The following GLTPD2 variants were observed in gnomAD, a reference collection of about 807,000 sequenced individuals.
GLTPD2 encodes the protein glycolipid transfer protein domain-containing protein 2.
GLTPD2 carries 12 observed loss-of-function variants against 12.9 expected under a neutral mutation model. The observed-to-expected ratio is 0.93, with a 90% CI of 0.59 to 1.50. The LOEUF (loss-of-function observed/expected upper bound fraction) is 1.50. Among genes scored for constraint, GLTPD2 ranks in the 40% most tolerant of loss-of-function variants. The pLI, the probability that GLTPD2 is intolerant of heterozygous loss-of-function variation, is 0.00. For synonymous variants in GLTPD2, 199 were observed against 205.6 expected (o/e 0.97, Z 0.27); for missense variants, 450 against 426.2 (o/e 1.06, Z -0.49).
chr17:4,790,331 G>T lies in GLTPD2; in HGVS notation c.*35G>T. The T allele has an allele frequency of 1.4e-6, 2 of 1,417,692 alleles. No individual in the cohort carries two copies. Among genetic ancestry groups the T allele is most frequent in the African/African-American group, 1.5e-5 (1 of 66,748 alleles). The allele number at this position is 1,417,692 out of a possible 1,614,324, so 87.8% of individuals were successfully genotyped here. A position where few individuals can be genotyped will look rare whatever the true frequency, so the allele number is the denominator to read the frequency against. Reference sequence around the variant, plus strand: ...TGCGGGGACCGGCGGGAACGGAGCGGACCGCCCGGGGTGGGGCCGCGCAGC... The same window carrying T: ...TGCGGGGACCGGCGGGAACGGAGCGTACCGCCCGGGGTGGGGCCGCGCAGC... On this transcript the variant is annotated 3_prime_UTR_variant, in exon 4 of 4. Transcript: ENST00000331264.
At position 4,790,026 on chromosome 17, in the gene GLTPD2, C is replaced by G. The variant is rs1432135840; in HGVS notation, c.606C>G (p.Thr202=). The change falls in exon 4 of 4, where the codon ACC becomes ACG. Residue 202 remains threonine (T), a synonymous_variant. Transcript: ENST00000331264. The part of the protein sequence containing the change: ...WSQLCLHRVA[T]GALGGPDAGV... ...AGCTCTGCCTCCACCGGGTGGCGACCGGCGCGCTGGGAGGCCCGGACGCGG... is the reference window on the plus strand; with the variant it reads ...AGCTCTGCCTCCACCGGGTGGCGACGGGCGCGCTGGGAGGCCCGGACGCGG... 1.4e-6 allele frequency: 2 copies of G among 1,445,024 alleles called. No individual in the cohort carries two copies. Among genetic ancestry groups the G allele is most frequent in the Admixed American group, 2.9e-5 (1 of 34,234 alleles). The allele number at this position is 1,445,024 out of a possible 1,614,324, so 89.5% of individuals were successfully genotyped here.
At position 4,789,835 on chromosome 17, in the gene GLTPD2, C is replaced by A; in HGVS notation, c.415C>A (p.Arg139=). 1 of 1,608,952 alleles carries A rather than the reference C, an allele frequency of 6.2e-7. No homozygotes were observed. The highest frequency in any genetic ancestry group is 8.5e-7 in the Non-Finnish European group (1 of 1,177,974). The change falls in exon 4 of 4, where the codon CGG becomes AGG. Residue 139 remains arginine (R), a synonymous_variant. Coordinates refer to ENST00000331264, the MANE Select transcript of GLTPD2 (RefSeq NM_001014985.3). ...AFTKVTDLEA[R]VHGPDAEHYW... ...CACCAAGGTGACAGACCTGGAGGCT[C>A]GGGTGCACGGCCCGGACGCGGAGCA...
In GLTPD2 at chr17:4,789,082, C is replaced by CGCT. The variant is rs769111247; in HGVS notation, c.81_83dup (p.Leu28dup). On this transcript the variant is annotated inframe_insertion, in exon 1 of 4. Coordinates refer to ENST00000331264, the MANE Select transcript of GLTPD2 (RefSeq NM_001014985.3). ...CACTCAATTCCTCTCGCTATCTTCG[C>CGCT]GCTGCTGCTGCTTTATCTCAGTGTT... 1 of 1,614,014 alleles carries CGCT rather than the reference C, an allele frequency of 6.2e-7. No homozygotes were observed. Among genetic ancestry groups the CGCT allele is most frequent in the Non-Finnish European group, 8.5e-7 (1 of 1,179,918 alleles).
chr17:4,789,368 C>T (rs1442665991), intron 2 of GLTPD2, 78 bp downstream of exon 2: 5 of 1,512,350 alleles, frequency 3.3e-6, no homozygotes, highest in African/African-American at 1.4e-5. Context: ...GCTGAGGGTC[C>T]GGCAAAGGGC....
Position 4,790,297 on chromosome 17 carries a change from G to T in GLTPD2, c.*1G>T. On this transcript the variant is annotated 3_prime_UTR_variant, in exon 4 of 4. Transcript: ENST00000331264. ...GCGCGGCCTGCTCCAGCTGGCCTAAGACGGCGGCTGCGGGGACCGGCGGGA... is the reference window on the plus strand; with the variant it reads ...GCGCGGCCTGCTCCAGCTGGCCTAATACGGCGGCTGCGGGGACCGGCGGGA... The T allele has an allele frequency of 6.8e-7, 1 of 1,466,560 alleles. No individual in the cohort carries two copies. Among genetic ancestry groups the T allele is most frequent in the Non-Finnish European group, 8.9e-7 (1 of 1,117,406 alleles). 90.8% of individuals were successfully genotyped at this position (1,466,560 alleles called of 1,614,324 possible).
Position 4,789,756 on chromosome 17 carries a change from C to G in GLTPD2, c.339-3C>G. The G allele has an allele frequency of 6.2e-7, 1 of 1,613,748 alleles. No homozygotes were observed. Among genetic ancestry groups the G allele is most frequent in the South Asian group, 1.1e-5 (1 of 91,040 alleles). ...CCATTCTCTCAAATCGTCTCGCCCG[C>G]AGGTTCCTGACTCCCCTCGGCTCCG... On this transcript the variant is annotated splice_polypyrimidine_tract_variant and splice_region_variant and intron_variant, in intron 3 of 3. Coordinates refer to ENST00000331264, the MANE Select transcript of GLTPD2 (RefSeq NM_001014985.3).
chr17:4,789,436 G>C, intron 2 of GLTPD2, 75 bp from the exon 3 acceptor site: 1 of 1,542,486 alleles, frequency 6.5e-7, no homozygotes, highest in Non-Finnish European at 8.9e-7. Flanking sequence ...CAGAAGAGCC[G>C]CCAGCTAAAC....
rs1344279981 is a variant in GLTPD2, at chr17:4,790,338, C to CG, written c.*46dup. Reference sequence around the variant, plus strand: ...ACCGGCGGGAACGGAGCGGACCGCCCGGGGTGGGGCCGCGCAGCCCGGGGT... The same window carrying CG: ...ACCGGCGGGAACGGAGCGGACCGCCCGGGGGTGGGGCCGCGCAGCCCGGGGT... On this transcript the variant is annotated 3_prime_UTR_variant, in exon 4 of 4. Transcript: ENST00000331264. The CG allele has an allele frequency of 7.2e-7, 1 of 1,385,882 alleles. No homozygotes were observed. The highest frequency in any genetic ancestry group is 9.3e-7 in the Non-Finnish European group (1 of 1,076,062). 85.8% of individuals were successfully genotyped at this position (1,385,882 alleles called of 1,614,324 possible).
chr17:4,790,442 C>A lies in GLTPD2; in HGVS notation c.*146C>A, dbSNP rs1458155439. ...TCGCCGCGGCGAGGGCCGCCCCCGGCAGGGAATGGCGTTGAGCTCCCTCTG... is the reference window on the plus strand; with the variant it reads ...TCGCCGCGGCGAGGGCCGCCCCCGGAAGGGAATGGCGTTGAGCTCCCTCTG... On this transcript the variant is annotated 3_prime_UTR_variant, in exon 4 of 4. Coordinates refer to ENST00000331264, the MANE Select transcript of GLTPD2 (RefSeq NM_001014985.3). 3 of 558,540 alleles carry A rather than the reference C, an allele frequency of 5.4e-6. No individual in the cohort carries two copies. The highest frequency in any genetic ancestry group is 5.6e-6 in the Non-Finnish European group (2 of 360,358). 34.6% of individuals were successfully genotyped at this position (558,540 alleles called of 1,614,324 possible). A position where few individuals can be genotyped will look rare whatever the true frequency, so the allele number is the denominator to read the frequency against.
Position 4,789,901 on chromosome 17 carries a change from G to A in GLTPD2, c.481G>A (p.Ala161Thr). 1 of 1,560,166 alleles carries A rather than the reference G, an allele frequency of 6.4e-7. No individual in the cohort carries two copies. Among genetic ancestry groups the A allele is most frequent in the Admixed American group, 1.9e-5 (1 of 51,762 alleles). Reference protein sequence around the residue: ...LVAMAAWERRAGLLEQPGAAP... With the variant: ...LVAMAAWERRTGLLEQPGAAP... ...GGCCATGGCGGCGTGGGAGCGGAGG[G>A]CGGGACTGCTGGAGCAGCCGGGGGC... The change falls in exon 4 of 4, where the codon GCG (alanine) becomes ACG (threonine). Residue 161 changes from alanine (A) to threonine (T), a missense_variant. Physicochemically the swap from Ala to Thr is moderately conservative, Grantham distance 58. Coordinates refer to ENST00000331264, the MANE Select transcript of GLTPD2 (RefSeq NM_001014985.3).
At chr17:4,789,698 C>A (rs752180375) in intron 3 of GLTPD2, 21 bp downstream of exon 3, 12 of 1,610,324 alleles carry the variant, frequency 7.5e-6, no homozygotes, top group Admixed American at 3.4e-5. Flanking sequence ...TCCCGCCCCC[C>A]AGCCGGTCCC....
chr17:4,788,972 G>A lies in GLTPD2; in HGVS notation c.-40G>A, dbSNP rs1917582518. 1 of 1,591,036 alleles carries A rather than the reference G, an allele frequency of 6.3e-7. No homozygotes were observed. Among genetic ancestry groups the A allele is most frequent in the Non-Finnish European group, 8.5e-7 (1 of 1,171,756 alleles). ...CCTGGAGGCGGAGGGACACGGACTG[G>A]CTAGGCGCTGGTGAGGGGGCGGCGG... is the stretch of plus-strand genomic sequence containing the variant. On this transcript the variant is annotated 5_prime_UTR_variant, in exon 1 of 4. Transcript: ENST00000331264.
In GLTPD2 at chr17:4,789,766, ACT is replaced by A. The variant is rs1188786126; in HGVS notation, c.348_349del (p.Leu118ArgfsTer9). 2 of 1,613,012 alleles carry A rather than the reference ACT, an allele frequency of 1.2e-6. No homozygotes were observed. Among genetic ancestry groups the A allele is most frequent in the African/African-American group, 2.7e-5 (2 of 74,754 alleles). On this transcript the variant is annotated frameshift_variant, in exon 4 of 4. Coordinates refer to ENST00000331264, the MANE Select transcript of GLTPD2 (RefSeq NM_001014985.3). LOFTEE classifies it low-confidence loss of function (END_TRUNC). ...AGWRALVEFL[T>X]PLGSVFAFAT... ...AAATCGTCTCGCCCGCAGGTTCCTG[ACT>A]CCCCTCGGCTCCGTCTTCGCCTTCG... is the stretch of plus-strand genomic sequence containing the variant.
chr17:4,789,136 C>T lies in GLTPD2; in HGVS notation c.106+19C>T, dbSNP rs773761245. 1 of 1,612,356 alleles carries T rather than the reference C, an allele frequency of 6.2e-7. No individual in the cohort carries two copies. Among genetic ancestry groups the T allele is most frequent in the East Asian group, 2.2e-5 (1 of 44,818 alleles). Reference sequence around the variant, plus strand: ...AGCCTAGGTGAGCTGCCCCTTCCCTCACTTGCTCCGGGAGGAAGCCCGGAA... The same window carrying T: ...AGCCTAGGTGAGCTGCCCCTTCCCTTACTTGCTCCGGGAGGAAGCCCGGAA... On this transcript the variant is annotated intron_variant, in intron 1 of 3. Coordinates refer to ENST00000331264, the MANE Select transcript of GLTPD2 (RefSeq NM_001014985.3).
chr17:4,789,253 C>A lies in GLTPD2; in HGVS notation c.134C>A (p.Ala45Glu). The change falls in exon 2 of 4, where the codon GCG (alanine) becomes GAG (glutamate). Residue 45 changes from alanine (A) to glutamate (E), a missense_variant. By Grantham distance (107) the Ala-to-Glu change is moderately radical. Coordinates refer to ENST00000331264, the MANE Select transcript of GLTPD2 (RefSeq NM_001014985.3). ...GCCCGCTCGGGCTGCGGACCCAGGG[C>A]GCAGCCCTGCGTTCCAGGGGAAACG... ...LGARSGCGPRAQPCVPGETAP... is the reference protein window; with the variant it reads ...LGARSGCGPREQPCVPGETAP... 1 of 1,599,420 alleles carries A rather than the reference C, an allele frequency of 6.3e-7. No individual in the cohort carries two copies. Among genetic ancestry groups the A allele is most frequent in the Non-Finnish European group, 8.5e-7 (1 of 1,172,748 alleles).
At position 4,790,430 on chromosome 17, in the gene GLTPD2, G is replaced by A; in HGVS notation, c.*134G>A. 3 of 633,386 alleles carry A rather than the reference G, an allele frequency of 4.7e-6. No homozygotes were observed. The highest frequency in any genetic ancestry group is 7.0e-6 in the Non-Finnish European group (3 of 428,382). The allele number at this position is 633,386 out of a possible 1,614,324, so 39.2% of individuals were successfully genotyped here. On this transcript the variant is annotated 3_prime_UTR_variant, in exon 4 of 4. Transcript: ENST00000331264. ...TCTTCCGTGACGTCGCCGCGGCGAG[G>A]GCCGCCCCCGGCAGGGAATGGCGTT...
chr17:4,789,114 C>G lies in GLTPD2; in HGVS notation c.103C>G (p.Leu35Val). 6.2e-7 allele frequency: 1 copy of G among 1,613,794 alleles called. No individual in the cohort carries two copies. ...GCTGCTTTATCTCAGTGTTCGGAGC[C>G]TAGGTGAGCTGCCCCTTCCCTCACT... is the stretch of plus-strand genomic sequence containing the variant. ...LLLLYLSVRS[L>V]GARSGCGPRA... Residue 35 changes from leucine (L) to valine (V), a missense_variant, in exon 1 of 4, where the codon CTA becomes GTA. Transcript: ENST00000331264.
Position 4,789,679 on chromosome 17 carries a change from T to C in GLTPD2, c.338+2T>C. On this transcript the variant is annotated splice_donor_variant, in intron 3 of 3. Transcript: ENST00000331264. LOFTEE classifies it high-confidence loss of function. ...GGCGGGATGGAGGGCACTCGTCGAG[T>C]GAGTGGCCTCCCGCCCCCCAGCCGG... 1.9e-6 allele frequency: 3 copies of C among 1,609,048 alleles called. No individual in the cohort carries two copies. The highest frequency in any genetic ancestry group is 1.3e-5 in the African/African-American group (1 of 74,920).
In GLTPD2 at chr17:4,789,542, C is replaced by T; in HGVS notation, c.203C>T (p.Pro68Leu). The T allele has an allele frequency of 6.2e-7, 1 of 1,613,998 alleles. No homozygotes were observed. The highest frequency in any genetic ancestry group is 8.5e-7 in the Non-Finnish European group (1 of 1,179,910). The change falls in exon 3 of 4, where the codon CCG (proline) becomes CTG (leucine). Residue 68 changes from proline to leucine, a missense_variant. By Grantham distance (98) the Pro-to-Leu change is moderately conservative. Transcript: ENST00000331264. ...VRQESGTLEAPERKQPPCLGP... is the reference protein window; with the variant it reads ...VRQESGTLEALERKQPPCLGP... ...CAGGAGTCGGGAACCCTGGAGGCCC[C>T]GGAGAGGAAACAGCCTCCGTGTCTG...
Sources: gnomAD v4.1 joint callset for allele counts on GRCh38, gnomAD v4.1.1 for gene constraint, MANE v1.5 for transcripts, NCBI Gene and HGNC (gene_info 2026-07-23, HGNC 2026-07-21) for gene names.